SCIN: variants seen among roughly 807,000 people sequenced by gnomAD.
SCIN encodes adseverin.
In SCIN, 91 loss-of-function variants were observed where a neutral mutation model predicts 91.8. That is an observed-to-expected ratio of 0.99 (90% CI 0.84 to 1.18). The LOEUF (loss-of-function observed/expected upper bound fraction) is 1.18, where lower values mean the gene tolerates loss of function less well. Among genes scored for constraint, SCIN ranks in the 50% most tolerant of loss-of-function variants. SCIN has a pLI of 0.00. For synonymous variants in SCIN, 367 were observed against 312.6 expected, an observed-to-expected ratio of 1.17 and a Z score of -1.84; for missense variants, 1,087 against 863.9, an observed-to-expected ratio of 1.26 and a Z score of -3.24.
chr7:12,630,496 G>A (rs112057909), intron 9 of SCIN, among the ~76,000 whole-genome samples: 61 of 152,268 alleles, frequency 4.0e-4, no homozygotes, highest in Non-Finnish European at 7.1e-4. Flanking sequence ...TCAGCTGGGG[G>A]GAATCCTGAG....
chr7:12,612,759 C>T (rs955536741), intron 4 of SCIN, among the ~76,000 whole-genome samples: 3 of 152,120 alleles, frequency 2.0e-5, no homozygotes, highest in African/African-American at 7.2e-5. Flanking sequence ...ACCAATTCAT[C>T]CAGTGGGGGA....
intron 1 of SCIN, among the ~76,000 whole-genome samples, chr7:12,575,605 A>G (rs1316633459): frequency 2.6e-5 from 4 of 152,114 alleles, no homozygotes; most frequent in Admixed American, 6.5e-5. Flanking sequence ...TTATCTATAA[A>G]ATCATTACAT....
intron 3 of SCIN, among the ~76,000 whole-genome samples, chr7:12,600,899 G>A (rs1782943767): frequency 1.3e-5 from 2 of 152,130 alleles, no homozygotes; most frequent in Admixed American, 1.3e-4. Flanking sequence ...ATCACTGGGA[G>A]CCCTTTATTT....
At chr7:12,650,250 T>C (rs1416789703) in intron 14 of SCIN, among the ~76,000 whole-genome samples, 1 of 152,208 alleles carries the variant, frequency 6.6e-6, no homozygotes, top group Non-Finnish European at 1.5e-5. Flanking sequence ...TAGCTTCTGA[T>C]CTACAATGAC....
intron 4 of SCIN, among the ~76,000 whole-genome samples, chr7:12,619,450 A>G (rs531111335): frequency 6.6e-6 from 1 of 152,296 alleles, no homozygotes; most frequent in Admixed American, 6.5e-5. Flanking sequence ...GAGTATAGCA[A>G]TTGTTTCTTG....
chr7:12,595,265 G>C (rs1429631201), intron 3 of SCIN, among the ~76,000 whole-genome samples: 1 of 152,152 alleles, frequency 6.6e-6, no homozygotes, highest in Non-Finnish European at 1.5e-5. Flanking sequence ...GGTTGTTTGT[G>C]AGTTAACTTT....
intron 3 of SCIN, among the ~76,000 whole-genome samples, chr7:12,602,850 T>G (rs1203004248): frequency 1.3e-5 from 2 of 152,332 alleles, no homozygotes; most frequent in East Asian, 1.9e-4. Context: ...TACAATCAAT[T>G]TGTACAGTTA....
At chr7:12,595,677 T>A (rs1782825959) in intron 3 of SCIN, 2 of 152,168 alleles carry the variant, frequency 1.3e-5, no homozygotes, top group South Asian at 4.1e-4. Context: ...ATTAGAATCA[T>A]TTGGAAAAGT....
Position 12,570,820 on chromosome 7 carries a change from C to A in SCIN, c.34C>A (p.Arg12=). Residue 12 remains arginine, a synonymous_variant, in exon 1 of 16, where the codon CGG becomes AGG. Coordinates refer to ENST00000297029, the MANE Select transcript of SCIN (RefSeq NM_001112706.3). The part of the protein sequence containing the change: ...ARELYHEEFA[R]AGKQAGLQVW... ...GGAGCTATACCACGAAGAGTTCGCCCGGGCGGGCAAGCAGGCGGGGCTGCA... is the reference window on the plus strand; with the variant it reads ...GGAGCTATACCACGAAGAGTTCGCCAGGGCGGGCAAGCAGGCGGGGCTGCA... The A allele has an allele frequency of 1.3e-6, 2 of 1,551,462 alleles. No individual in the cohort carries two copies.
At chr7:12,624,279 A>G (rs957413194) in intron 5 of SCIN, among the ~76,000 whole-genome samples, 2 of 152,228 alleles carry the variant, frequency 1.3e-5, no homozygotes, top group Non-Finnish European at 2.9e-5. Context: ...AGGTAACTAA[A>G]CTGTAGCATA....
intron 4 of SCIN, among the ~76,000 whole-genome samples, chr7:12,607,652 A>C (rs145923658): frequency 2.0e-5 from 3 of 152,212 alleles, no homozygotes; most frequent in Non-Finnish European, 4.4e-5. Flanking sequence ...CAGTGTCTAT[A>C]CTACATTTTA....
At chr7:12,626,127 C>G (rs1195253413) in intron 7 of SCIN, 1 of 377,598 alleles carries the variant, frequency 2.6e-6, no homozygotes, top group Non-Finnish European at 4.7e-6. Context: ...TAGCTAAGAG[C>G]ACTTAAGAGT....
At position 12,651,870 on chromosome 7, in the gene SCIN, T is replaced by C. The variant is rs1784085906; in HGVS notation, c.1989T>C (p.Asn663=). The change falls in exon 15 of 16, where the codon AAT becomes AAC. Residue 663 remains asparagine (N), a synonymous_variant. Transcript: ENST00000297029. This position sits in a 1 kb window ranked among gnomAD's most constrained non-coding sequence, Gnocchi z 5.9. ...TTATTTGGATTGGCAAAGATGCTAA[T>C]GAAGTTGAGAAAAAAGAATCTCTGA... ...QIFIWIGKDA[N]EVEKKESLKS... is the part of the protein sequence containing the mutation. 7 of 1,602,102 alleles carry C rather than the reference T, an allele frequency of 4.4e-6. No homozygotes were observed. The highest frequency in any genetic ancestry group is 6.0e-6 in the Non-Finnish European group (7 of 1,172,166).
intron 14 of SCIN, among the ~76,000 whole-genome samples, chr7:12,650,626 G>C (rs1371539210): frequency 6.6e-6 from 1 of 152,154 alleles, no homozygotes; most frequent in Non-Finnish European, 1.5e-5. Context: ...TCTGCCACAA[G>C]TGATTTTAAA....
chr7:12,578,640 A>T (rs1036605140), intron 2 of SCIN, among the ~76,000 whole-genome samples: 1 of 152,060 alleles, frequency 6.6e-6, no homozygotes, highest in African/African-American at 2.4e-5. Context: ...GTTGTTCTGG[A>T]ATATATTAAT....
intron 10 of SCIN, among the ~76,000 whole-genome samples, chr7:12,639,031 T>C (rs1200939722): frequency 6.6e-6 from 1 of 152,212 alleles, no homozygotes; most frequent in African/African-American, 2.4e-5. Context: ...AAATGGTAAT[T>C]TTTAGTTTAA....
chr7:12,652,997 T>G lies in SCIN; in HGVS notation c.*282T>G, dbSNP rs142241129. 6.9e-3 allele frequency: 1,520 copies of G among 219,796 alleles called. 26 individuals carry two copies. The highest frequency in any genetic ancestry group is 0.033 in the African/African-American group (1,397 of 42,362). The allele number at this position is 219,796 out of a possible 1,614,324, so 13.6% of individuals were successfully genotyped here. A position where few individuals can be genotyped will look rare whatever the true frequency, so the allele number is the denominator to read the frequency against. ...GTGCACGCCTGTAGTCCCTGCTACT[T>G]GGAAGGCTGAGACAGGAAAATTGCT... On this transcript the variant is annotated 3_prime_UTR_variant, in exon 16 of 16. Transcript: ENST00000297029.
chr7:12,614,267 C>T (rs532683653), intron 4 of SCIN, among the ~76,000 whole-genome samples: 12 of 152,202 alleles, frequency 7.9e-5, no homozygotes, highest in Non-Finnish European at 1.5e-4. Flanking sequence ...GTTACATTTT[C>T]TTGATGGCAT....
rs1410087275 is a variant in SCIN at position 12,654,978 on chromosome 7, C to G, written c.*2263C>G. ...AATTAAAAATATGATACATTCACTA[C>G]ATGAAAATATGATATACGGTTTTTC... On this transcript the variant is annotated 3_prime_UTR_variant, in exon 16 of 16. Transcript: ENST00000297029. The G allele has an allele frequency of 1.3e-5, 2 of 152,164 alleles. No homozygotes were observed. The highest frequency in any genetic ancestry group is 2.9e-5 in the Non-Finnish European group (2 of 68,014). The allele number at this position is 152,164 out of a possible 1,614,324, so 9.4% of individuals were successfully genotyped here.
Sources: gnomAD v4.1 joint callset for allele counts (sites outside exome capture counted in the v4.1 genomes callset) on GRCh38, gnomAD v4.1.1 for gene constraint, Gnocchi (gnomAD v3.1) non-coding constraint, MANE v1.5 for transcripts, NCBI Gene and HGNC (gene_info 2026-07-23, HGNC 2026-07-21) for gene names.